The following SIK3 variants were observed in gnomAD, a reference collection of about 807,000 sequenced individuals.
The protein encoded by SIK3 is SIK family kinase 3.
SIK3 carries 28 observed loss-of-function variants against 144.2 expected under a neutral mutation model. The observed-to-expected ratio is 0.19, with a 90% CI of 0.14 to 0.27. SIK3 has a LOEUF of 0.27. Ranked by LOEUF, SIK3 falls within the 10% of genes least tolerant of loss-of-function variation. The pLI, the probability that SIK3 is intolerant of heterozygous loss-of-function variation, is 1.00. For missense variants in SIK3, 1,319 were observed against 1,776.0 expected, an observed-to-expected ratio of 0.74 and a Z score of 4.62; for synonymous variants, 686 against 676.3, an observed-to-expected ratio of 1.01 and a Z score of -0.22.
intron 1 of SIK3, among the ~76,000 whole-genome samples, chr11:117,039,918 C>T (rs948902826): frequency 1.3e-5 from 2 of 152,192 alleles, no homozygotes; most frequent in African/African-American, 4.8e-5. Flanking sequence ...ACTATTTCTT[C>T]AACAAGGATA....
At chr11:117,032,604 T>G (rs1448864863) in intron 1 of SIK3, among the ~76,000 whole-genome samples, 1 of 151,850 alleles carries the variant, frequency 6.6e-6, no homozygotes, top group Non-Finnish European at 1.5e-5. Context: ...ACTCCCGGGC[T>G]CAAGCAATCC....
chr11:117,051,676 A>G (rs1953250686), intron 1 of SIK3, among the ~76,000 whole-genome samples: 2 of 151,834 alleles, frequency 1.3e-5, no homozygotes, highest in South Asian at 4.2e-4. Context: ...TTACAAGTGC[A>G]CACCACCATG....
At chr11:116,909,746 T>C (rs914977127) in intron 4 of SIK3, among the ~76,000 whole-genome samples, 2 of 151,766 alleles carry the variant, frequency 1.3e-5, no homozygotes, top group Non-Finnish European at 2.9e-5. Context: ...TCAATAAATA[T>C]CTTAAAACAA....
At chr11:116,994,847 T>G (rs1950607369) in intron 1 of SIK3, among the ~76,000 whole-genome samples, 1 of 151,592 alleles carries the variant, frequency 6.6e-6, no homozygotes, top group Admixed American at 6.6e-5. Context: ...CCTGCTATTC[T>G]TCATTCCTCA....
rs1360658045 is a variant in SIK3 at position 116,844,003 on chromosome 11, T to C, written c.*1640A>G. The C allele has an allele frequency of 6.6e-6, 1 of 152,030 alleles. No homozygotes were observed. Among genetic ancestry groups the C allele is most frequent in the East Asian group, 1.9e-4 (1 of 5,174 alleles). 9.4% of individuals were successfully genotyped at this position (152,030 alleles called of 1,614,324 possible). A position where few individuals can be genotyped will look rare whatever the true frequency, so the allele number is the denominator to read the frequency against. On this transcript the variant is annotated 3_prime_UTR_variant, in exon 25 of 25. Coordinates refer to ENST00000445177, the MANE Select transcript of SIK3 (RefSeq NM_001366686.3). ...CATGCCGGGCACCCGCTTTCCTCTG[T>C]GCAAATTCAGGATGAAAGACTAGGA...
chr11:116,911,739 A>T (rs1240911666), intron 4 of SIK3, among the ~76,000 whole-genome samples: 3 of 152,198 alleles, frequency 2.0e-5, no homozygotes, highest in African/African-American at 7.2e-5. Context: ...TTTTTATTTT[A>T]AGTATAAAGA....
At chr11:116,989,281 G>T (rs906271860) in intron 1 of SIK3, among the ~76,000 whole-genome samples, 3 of 152,010 alleles carry the variant, frequency 2.0e-5, no homozygotes, top group Admixed American at 6.6e-5. Flanking sequence ...AATCAGTAAG[G>T]TCTTTTAAAA....
chr11:116,951,956 A>AG (rs1948956175), intron 3 of SIK3, among the ~76,000 whole-genome samples: 1 of 145,410 alleles, frequency 6.9e-6, no homozygotes, highest in African/African-American at 2.8e-5. Context: ...ATAAATAAAT[A>AG]AATAAATAAA....
At chr11:117,095,512 T>C (rs1209478501) in intron 1 of SIK3, among the ~76,000 whole-genome samples, 1 of 152,188 alleles carries the variant, frequency 6.6e-6, no homozygotes, top group Non-Finnish European at 1.5e-5. Flanking sequence ...CAACCTGAGT[T>C]AACTGAAGCA....
intron 1 of SIK3, among the ~76,000 whole-genome samples, chr11:117,069,086 T>G (rs1038005983): frequency 2.0e-5 from 3 of 149,990 alleles, no homozygotes; most frequent in Non-Finnish European, 4.4e-5. Context: ...TCAGCATGAA[T>G]CTATGGCTTT....
At chr11:116,912,563 T>C (rs905971986) in intron 4 of SIK3, among the ~76,000 whole-genome samples, 2 of 152,210 alleles carry the variant, frequency 1.3e-5, no homozygotes, top group Non-Finnish European at 2.9e-5. Flanking sequence ...CAGTACAGCT[T>C]TGAGCGACGG....
chr11:116,894,083 A>G, intron 6 of SIK3: 1 of 165,292 alleles, frequency 6.0e-6, no homozygotes, highest in Non-Finnish European at 1.5e-5. Flanking sequence ...AGCAGCATTC[A>G]CTCCCCACAG....
At chr11:117,018,865 C>T (rs1951646496) in intron 1 of SIK3, among the ~76,000 whole-genome samples, 1 of 151,962 alleles carries the variant, frequency 6.6e-6, no homozygotes, top group Non-Finnish European at 1.5e-5. Context: ...GCGCCTGCCA[C>T]CATGCCCGGC....
In SIK3 at chr11:116,858,292, T is replaced by A; in HGVS notation, c.3173A>T (p.Gln1058Leu). 3.1e-6 allele frequency: 5 copies of A among 1,611,472 alleles called. No individual in the cohort carries two copies. The highest frequency in any genetic ancestry group is 4.2e-6 in the Non-Finnish European group (5 of 1,178,962). The change falls in exon 21 of 25, where the codon CAG becomes CTG. Residue 1058 changes from glutamine (Q) to leucine (L), a missense_variant. By Grantham distance (113) the Gln-to-Leu change is moderately radical. This residue lies in a region of SIK3 where 646 missense variants were observed against 763.7 expected (regional missense o/e 0.85). Coordinates refer to ENST00000445177, the MANE Select transcript of SIK3 (RefSeq NM_001366686.3). The surrounding 1 kb of genome is among the most constrained non-coding windows in gnomAD (Gnocchi z 5.4). Reference protein sequence around the residue: ...QQQRQQQQQQQQQQEYQELFR... With the variant: ...QQQRQQQQQQLQQQEYQELFR... ...CAGTTCCTGGTATTCTTGCTGTTGC[T>A]GCTGTTGCTGCTGCTGCTGCCGTTG...
intron 20 of SIK3, among the ~76,000 whole-genome samples, 198 bp downstream of exon 20, chr11:116,859,067 A>G (rs758861071): frequency 2.0e-5 from 3 of 152,194 alleles, no homozygotes; most frequent in African/African-American, 7.2e-5. Context: ...CCTCAGTCTC[A>G]TTAGAATTTT....
At chr11:116,897,504 A>C (rs1945473487) in intron 4 of SIK3, among the ~76,000 whole-genome samples, 187 bp from the exon 5 acceptor site, 1 of 152,244 alleles carries the variant, frequency 6.6e-6, no homozygotes, top group Non-Finnish European at 1.5e-5. Flanking sequence ...AGATGAGCTG[A>C]AATATAAACA....
intron 1 of SIK3, among the ~76,000 whole-genome samples, chr11:117,008,683 C>T (rs531202182): frequency 4.5e-4 from 69 of 152,060 alleles, no homozygotes; most frequent in Non-Finnish European, 5.9e-4. Flanking sequence ...CTTAATTCTA[C>T]GCAGTTAAGA....
At chr11:117,010,569 C>T (rs556350310) in intron 1 of SIK3, among the ~76,000 whole-genome samples, 1 of 152,196 alleles carries the variant, frequency 6.6e-6, no homozygotes, top group African/African-American at 2.4e-5. Context: ...TCTCTGCTGG[C>T]TTATCAGGCT....
chr11:116,846,684 G>T lies in SIK3; in HGVS notation c.3953-131C>A. 1 of 991,708 alleles carries T rather than the reference G, an allele frequency of 1.0e-6. No individual in the cohort carries two copies. The highest frequency in any genetic ancestry group is 1.5e-6 in the Non-Finnish European group (1 of 666,468). The allele number at this position is 991,708 out of a possible 1,614,324, so 61.4% of individuals were successfully genotyped here. On this transcript the variant is annotated intron_variant, in intron 23 of 24. Coordinates refer to ENST00000445177, the MANE Select transcript of SIK3 (RefSeq NM_001366686.3). This position sits in a 1 kb window ranked among gnomAD's most constrained non-coding sequence, Gnocchi z 4.1. ...GCCTGACTCCCAGCCCTGAATTCTA[G>T]CTCACAGCAGGCCCTCAAGGTGTTG...
Sources: gnomAD v4.1 joint callset for allele counts (sites outside exome capture counted in the v4.1 genomes callset) on GRCh38, gnomAD v4.1.1 for gene constraint, gnomAD v4.1.1 regional missense constraint, Gnocchi (gnomAD v3.1) non-coding constraint, MANE v1.5 for transcripts, NCBI Gene and HGNC (gene_info 2026-07-23, HGNC 2026-07-21) for gene names.